The following FHL5 variants were observed in gnomAD, a reference collection of about 807,000 sequenced individuals.
FHL5 encodes the protein four and a half LIM domains 5, also known as four and a half LIM domains protein 5.
A neutral mutation model predicts 32.0 loss-of-function variants in FHL5; 33 were observed. That is an observed-to-expected ratio of 1.03 (90% CI 0.78 to 1.38). The LOEUF (loss-of-function observed/expected upper bound fraction) is 1.38. Among genes scored for constraint, FHL5 ranks in the 40% most tolerant of loss-of-function variants. The probability of loss-of-function intolerance (pLI) is 0.00; values close to 1 mark genes in which losing one functional copy is unlikely to be tolerated. For missense variants in FHL5, 336 were observed against 343.9 expected, an observed-to-expected ratio of 0.98 and a Z score of 0.18; for synonymous variants, 114 against 113.6, an observed-to-expected ratio of 1.00 and a Z score of -0.02.
intron 1 of FHL5, among the ~76,000 whole-genome samples, chr6:96,589,416 T>C (rs1207503094): frequency 2.6e-5 from 4 of 152,132 alleles, no homozygotes; most frequent in Non-Finnish European, 4.4e-5. Flanking sequence ...ATCAAGGAAC[T>C]TGCTAAATTA....
intron 1 of FHL5, among the ~76,000 whole-genome samples, chr6:96,593,905 T>G (rs929736299): frequency 5.9e-5 from 9 of 152,170 alleles, no homozygotes; most frequent in Middle Eastern, 3.4e-3. Flanking sequence ...TTATACAGAG[T>G]ACCATTATTG....
At chr6:96,599,790 A>C (rs543405973) in intron 1 of FHL5, among the ~76,000 whole-genome samples, 147 of 152,376 alleles carry the variant, frequency 9.6e-4, no homozygotes, top group Non-Finnish European at 1.6e-3. Context: ...CTGAGTTCAC[A>C]CCTAGAAAAG....
chr6:96,615,353 A>G (rs997941858), intron 5 of FHL5, among the ~76,000 whole-genome samples: 19 of 152,302 alleles, frequency 1.2e-4, no homozygotes, highest in African/African-American at 4.3e-4. Context: ...TGACTTGCAT[A>G]TTAGCATTCT....
At chr6:96,590,432 A>C (rs954092317) in intron 1 of FHL5, among the ~76,000 whole-genome samples, 8 of 151,986 alleles carry the variant, frequency 5.3e-5, no homozygotes, top group Non-Finnish European at 1.0e-4. Flanking sequence ...GTTATTGTTA[A>C]ATAGGAATAC....
At chr6:96,563,757 T>C (rs1045607908) in intron 1 of FHL5, among the ~76,000 whole-genome samples, 4 of 152,180 alleles carry the variant, frequency 2.6e-5, no homozygotes, top group Non-Finnish European at 5.9e-5. Context: ...GAGCATATTT[T>C]ATGACTAGAT....
chr6:96,583,305 T>C (rs1337007546), intron 1 of FHL5, among the ~76,000 whole-genome samples: 1 of 152,174 alleles, frequency 6.6e-6, no homozygotes, highest in Non-Finnish European at 1.5e-5. Context: ...GAATTTTAAA[T>C]TTTTCTACTG....
intron 1 of FHL5, among the ~76,000 whole-genome samples, chr6:96,600,625 G>T (rs957868674): frequency 1.3e-5 from 2 of 152,024 alleles, no homozygotes; most frequent in Non-Finnish European, 2.9e-5. Flanking sequence ...TTCTAATAGA[G>T]TGTGTATCAT....
intron 1 of FHL5, among the ~76,000 whole-genome samples, chr6:96,589,517 T>C (rs1471811632): frequency 6.6e-6 from 1 of 152,096 alleles, no homozygotes; most frequent in Non-Finnish European, 1.5e-5. Context: ...AAGTCTTTTG[T>C]ACTTTTATTG....
intron 1 of FHL5, among the ~76,000 whole-genome samples, chr6:96,570,894 AT>A (rs1360960137): frequency 6.6e-6 from 1 of 151,360 alleles, no homozygotes; most frequent in Admixed American, 6.6e-5. Flanking sequence ...TATATTGTGA[AT>A]TTTTTTCTTA....
At chr6:96,579,140 G>T (rs547306283) in intron 1 of FHL5, among the ~76,000 whole-genome samples, 1 of 152,076 alleles carries the variant, frequency 6.6e-6, no homozygotes, top group African/African-American at 2.4e-5. Context: ...TTTGAAATAG[G>T]CAACTCATTC....
intron 1 of FHL5, among the ~76,000 whole-genome samples, chr6:96,565,063 G>A (rs776309018): frequency 9.2e-5 from 14 of 151,892 alleles, no homozygotes; most frequent in African/African-American, 3.2e-4. Context: ...AAGACCAGCT[G>A]GGGCAATATA....
chr6:96,614,133 TTTC>T (rs1562067034), intron 5 of FHL5, among the ~76,000 whole-genome samples: 2 of 152,340 alleles, frequency 1.3e-5, no homozygotes. Context: ...GCTTCTACTT[TTTC>T]TTATTTGTAA....
Position 96,618,155 on chromosome 6 carries a change from A to G in FHL5, c.*2383A>G, listed in dbSNP as rs1771560192. 6.6e-6 allele frequency among the ~76,000 whole-genome samples: 1 copy of G among 152,248 alleles called. No individual in the cohort carries two copies. Among genetic ancestry groups the G allele is most frequent in the South Asian group, 2.1e-4 (1 of 4,834 alleles). ...AGGTCTTTGCGTAACACACACAAAG[A>G]TAAATGTAAAAATTATATAGTTGAT... On this transcript the variant is annotated 3_prime_UTR_variant, in exon 6 of 6. Transcript: ENST00000450218.
At chr6:96,584,242 G>A (rs924467843) in intron 1 of FHL5, among the ~76,000 whole-genome samples, 2 of 152,162 alleles carry the variant, frequency 1.3e-5, no homozygotes, top group African/African-American at 2.4e-5. Context: ...AAATGCTACA[G>A]AGAGAAGGAT....
intron 1 of FHL5, among the ~76,000 whole-genome samples, chr6:96,598,842 A>C (rs1771089687): frequency 6.6e-6 from 1 of 152,154 alleles, no homozygotes; most frequent in South Asian, 2.1e-4. Flanking sequence ...TATCCTTTAC[A>C]ACTTGTAGCA....
In FHL5 at chr6:96,615,992, G is replaced by A; in HGVS notation, c.*220G>A. On this transcript the variant is annotated 3_prime_UTR_variant, in exon 6 of 6. Coordinates refer to ENST00000450218, the MANE Select transcript of FHL5 (RefSeq NM_001322466.2). ...CTAAATCACAAAGACAACTCTCCTT[G>A]CAAAATACTGCACTCTGCTGTTAGA... 1 of 350,498 alleles carries A rather than the reference G, an allele frequency of 2.9e-6. No individual in the cohort carries two copies. 21.7% of individuals were successfully genotyped at this position (350,498 alleles called of 1,614,324 possible). A position where few individuals can be genotyped will look rare whatever the true frequency, so the allele number is the denominator to read the frequency against.
intron 1 of FHL5, among the ~76,000 whole-genome samples, chr6:96,579,638 C>G (rs1479819980): frequency 2.6e-5 from 4 of 152,118 alleles, no homozygotes; most frequent in Non-Finnish European, 1.5e-5. Context: ...ATGCCTAATA[C>G]AATGCTAATA....
chr6:96,578,732 C>A (rs1280318296), intron 1 of FHL5, among the ~76,000 whole-genome samples: 1 of 152,080 alleles, frequency 6.6e-6, no homozygotes, highest in Non-Finnish European at 1.5e-5. Context: ...GTCCCAGCTA[C>A]TCCGGAGGCT....
In FHL5 at chr6:96,584,422, G is replaced by T. The variant is rs967243788; in HGVS notation, c.-12-19180G>T. The stretch of plus-strand genomic sequence containing the variant: ...TAGGGAGACACTGGAAGTGGCTGAA[G>T]CACAGGTGGGATATGTGTGTGTGTG... On this transcript the variant is annotated intron_variant, in intron 1 of 5. Coordinates refer to ENST00000450218, the MANE Select transcript of FHL5 (RefSeq NM_001322466.2). Among the ~76,000 whole-genome samples the T allele has an allele frequency of 9.4e-5, 14 of 149,312 alleles. 1 individual carries two copies.
Sources: gnomAD v4.1 joint callset for allele counts (sites outside exome capture counted in the v4.1 genomes callset) on GRCh38, gnomAD v4.1.1 for gene constraint, MANE v1.5 for transcripts, NCBI Gene and HGNC (gene_info 2026-07-23, HGNC 2026-07-21) for gene names.